RORA: variants seen among roughly 807,000 people sequenced by gnomAD.
RORA encodes RAR related orphan receptor A.
A neutral mutation model predicts 69.5 loss-of-function variants in RORA; 7 were observed. The ratio of observed to expected loss-of-function variants is 0.10; its 90% CI spans 0.06 to 0.19. The LOEUF (loss-of-function observed/expected upper bound fraction) is 0.19. Among genes scored for constraint, RORA ranks in the 10% least tolerant of loss-of-function variants. The probability of loss-of-function intolerance (pLI) is 1.00; values close to 1 mark genes in which losing one functional copy is unlikely to be tolerated. For synonymous variants in RORA, 261 were observed against 240.8 expected (o/e 1.08, Z -0.78); for missense variants, 457 against 663.0 (o/e 0.69, Z 3.41).
chr15:60,911,731 G>A (rs565985623), intron 1 of RORA, among the ~76,000 whole-genome samples: 7 of 139,152 alleles, frequency 5.0e-5, no homozygotes, highest in Non-Finnish European at 1.1e-4. Context: ...AAACAGTCTC[G>A]CACTGTCCCC....
chr15:60,596,664 C>T (rs942589234), intron 2 of RORA, among the ~76,000 whole-genome samples: 1 of 151,894 alleles, frequency 6.6e-6, no homozygotes, highest in Non-Finnish European at 1.5e-5. Context: ...CTGGTGAGAC[C>T]CAGAAGCCAA....
Position 60,860,494 on chromosome 15 carries a change from G to C in RORA, c.167-181808C>G, listed in dbSNP as rs549533961. ...TTTAGCATAAGCAAGCACGTACTAT[G>C]CTGTCCCTTTACGATGGCTGAATTC... On this transcript the variant is annotated intron_variant, in intron 1 of 10. Coordinates refer to ENST00000335670, the MANE Select transcript of RORA (RefSeq NM_134261.3). Among the ~76,000 whole-genome samples the C allele has an allele frequency of 2.6e-5, 4 of 152,304 alleles. No individual in the cohort carries two copies. The East Asian group carries it at 7.7e-4, about 29-fold the overall frequency.
intron 1 of RORA, among the ~76,000 whole-genome samples, chr15:61,188,061 C>T (rs1423275767): frequency 1.3e-5 from 2 of 152,174 alleles, no homozygotes; most frequent in East Asian, 3.8e-4. Flanking sequence ...CTCACCACAG[C>T]TTTTCTTTTA....
chr15:60,881,727 C>T (rs965008294), intron 1 of RORA, among the ~76,000 whole-genome samples: 1 of 152,146 alleles, frequency 6.6e-6, no homozygotes, highest in African/African-American at 2.4e-5. Context: ...GTCCTTGAAG[C>T]AGAGAGACCA....
At chr15:61,150,126 A>C (rs1213064560) in intron 1 of RORA, among the ~76,000 whole-genome samples, 1 of 152,114 alleles carries the variant, frequency 6.6e-6, no homozygotes, top group Admixed American at 6.5e-5. Context: ...TTATAAATTA[A>C]CTCCCAAGCT....
chr15:60,627,329 T>C (rs1280564387), intron 2 of RORA: 1 of 1,614,204 alleles, frequency 6.2e-7, no homozygotes, highest in Admixed American at 1.7e-5. Context: ...CACGGCACTC[T>C]TGCCTCAGTC....
chr15:60,820,804 A>G (rs1451420553), intron 1 of RORA, among the ~76,000 whole-genome samples: 1 of 152,222 alleles, frequency 6.6e-6, no homozygotes, highest in Non-Finnish European at 1.5e-5. Context: ...CCTTGACTAT[A>G]TAGTATCTCA....
At chr15:60,949,950 T>C (rs1893031363) in intron 1 of RORA, among the ~76,000 whole-genome samples, 1 of 152,074 alleles carries the variant, frequency 6.6e-6, no homozygotes. Flanking sequence ...CTGGACATAC[T>C]CAAAGAAGAA....
intron 1 of RORA, among the ~76,000 whole-genome samples, chr15:60,917,883 C>T (rs1057174371): frequency 1.1e-4 from 17 of 152,198 alleles, no homozygotes; most frequent in Admixed American, 7.2e-4. Flanking sequence ...AGTGACAAAG[C>T]GTGACAGCGT....
intron 1 of RORA, among the ~76,000 whole-genome samples, chr15:60,717,506 G>A (rs2140818247): frequency 6.6e-6 from 1 of 152,270 alleles, no homozygotes; most frequent in Middle Eastern, 3.4e-3. Flanking sequence ...AAGTCCTATG[G>A]CACTGGCAGT....
chr15:60,571,660 G>T (rs2067884727), intron 2 of RORA, among the ~76,000 whole-genome samples: 1 of 152,076 alleles, frequency 6.6e-6, no homozygotes. Context: ...TCCTGGCATG[G>T]TGTTTAATCT....
At chr15:60,561,774 C>G (rs1240546449) in intron 2 of RORA, among the ~76,000 whole-genome samples, 2 of 152,032 alleles carry the variant, frequency 1.3e-5, no homozygotes, top group Non-Finnish European at 2.9e-5. Context: ...TTATCACGCC[C>G]TGAGAGACAT....
At chr15:60,773,624 T>C (rs998280130) in intron 1 of RORA, among the ~76,000 whole-genome samples, 1 of 152,186 alleles carries the variant, frequency 6.6e-6, no homozygotes, top group African/African-American at 2.4e-5. Context: ...AAGAGAACTC[T>C]CCATGTTAGA....
intron 4 of RORA, 104 bp downstream of exon 4, chr15:60,514,512 G>A (rs2065803441): frequency 1.8e-6 from 2 of 1,130,998 alleles, no homozygotes; most frequent in African/African-American, 3.1e-5. Flanking sequence ...GTGGAATAAT[G>A]AGGAGGGGGC....
In RORA at chr15:60,668,781, G is replaced by A. The variant is rs183361704; in HGVS notation, c.196+9876C>T. Reference sequence around the variant, plus strand: ...TCATTATACTGGAGACTAAGAACACGCAGCCAATGAAAATGCCTCATCAGG... The same window carrying A: ...TCATTATACTGGAGACTAAGAACACACAGCCAATGAAAATGCCTCATCAGG... On this transcript the variant is annotated intron_variant, in intron 2 of 10. Coordinates refer to ENST00000335670, the MANE Select transcript of RORA (RefSeq NM_134261.3). Among the ~76,000 whole-genome samples the A allele has an allele frequency of 4.5e-4, 69 of 152,268 alleles. 1 individual carries two copies. Among genetic ancestry groups the A allele is most frequent in the African/African-American group, 1.1e-3 (47 of 41,556 alleles).
At chr15:60,498,322 G>A (rs1297899691) in intron 10 of RORA, among the ~76,000 whole-genome samples, 1 of 152,056 alleles carries the variant, frequency 6.6e-6, no homozygotes, top group African/African-American at 2.4e-5. Flanking sequence ...AGCGGGTGAG[G>A]GGCAGTGGTG....
intron 2 of RORA, among the ~76,000 whole-genome samples, chr15:60,645,519 A>C (rs2070024588): frequency 6.6e-6 from 1 of 151,258 alleles, no homozygotes; most frequent in Non-Finnish European, 1.5e-5. Context: ...TGCCTCCTGA[A>C]TAGCTGGGAC....
At chr15:60,798,951 T>TAA (rs1006777228) in intron 1 of RORA, among the ~76,000 whole-genome samples, 2 of 137,498 alleles carry the variant, frequency 1.5e-5, no homozygotes, top group African/African-American at 5.3e-5. Context: ...TTTTTTTTTT[T>TAA]AAACTCAAGG....
chr15:61,133,735 G>A (rs2140848836), intron 1 of RORA, among the ~76,000 whole-genome samples: 1 of 152,324 alleles, frequency 6.6e-6, no homozygotes, highest in Admixed American at 6.5e-5. Context: ...TCTTGAAATT[G>A]ACTGGGTGCT....
Sources: allele counts gnomAD v4.1 joint callset (sites outside exome capture counted in the v4.1 genomes callset), GRCh38; gene constraint gnomAD v4.1.1; transcripts MANE v1.5; gene names NCBI Gene and HGNC (gene_info 2026-07-23, HGNC 2026-07-21).